The following FGF12 variants were observed in gnomAD, a reference collection of about 807,000 sequenced individuals.
FGF12 encodes the protein fibroblast growth factor 12, also known as fibroblast growth factor 12B.
Under a neutral mutation model 23.6 loss-of-function variants are expected in FGF12, and 14 were observed. That is an observed-to-expected ratio of 0.59 (90% CI 0.39 to 0.93). The LOEUF (loss-of-function observed/expected upper bound fraction) is 0.93, where lower values mean the gene tolerates loss of function less well. Ranked by LOEUF, FGF12 falls within the 40% of genes least tolerant of loss-of-function variation. FGF12 has a pLI of 0.00. For synonymous variants in FGF12, 62 were observed against 77.3 expected (o/e 0.80, Z 1.04); for missense variants, 175 against 217.8 (o/e 0.80, Z 1.24).
At chr3:192,629,253 A>G (rs1346176252) in intron 2 of FGF12, among the ~76,000 whole-genome samples, 1 of 152,226 alleles carries the variant, frequency 6.6e-6, no homozygotes, top group East Asian at 1.9e-4. Context: ...AAAGTAACCC[A>G]CTGAACACAG....
At chr3:192,678,489 C>A (rs1455196569) in intron 2 of FGF12, among the ~76,000 whole-genome samples, 2 of 152,194 alleles carry the variant, frequency 1.3e-5, no homozygotes, top group African/African-American at 4.8e-5. Flanking sequence ...TTGAAAGACT[C>A]AAACTCGTTC....
chr3:192,200,768 C>T (rs1717326301), intron 4 of FGF12, among the ~76,000 whole-genome samples: 1 of 152,120 alleles, frequency 6.6e-6, no homozygotes, highest in Non-Finnish European at 1.5e-5. Context: ...CTTTACAGCA[C>T]CATAGATTTA....
intron 4 of FGF12, among the ~76,000 whole-genome samples, chr3:192,331,823 C>T (rs543959561): frequency 6.6e-6 from 1 of 152,128 alleles, no homozygotes; most frequent in Admixed American, 6.6e-5. Context: ...TCATAATTAA[C>T]AACAGATACC....
Position 192,383,863 on chromosome 3 carries a change from GGA to G in FGF12, c.14-23327_14-23326del, listed in dbSNP as rs552116267. Among the ~76,000 whole-genome samples, 8 of 152,270 alleles carry G rather than the reference GGA, an allele frequency of 5.3e-5. No individual in the cohort carries two copies. In the East Asian group the frequency reaches 1.4e-3, roughly 26 times the overall value. On this transcript the variant is annotated intron_variant, in intron 2 of 5. Transcript: ENST00000445105. ...GTCGGATTTACAGGTTTAGAACTCAGGAGAGAGGTCTTGCCTGAAGATATAAA... is the reference window on the plus strand; with the variant it reads ...GTCGGATTTACAGGTTTAGAACTCAGGAGAGGTCTTGCCTGAAGATATAAA...
chr3:192,522,160 T>G (rs894391954), intron 2 of FGF12, among the ~76,000 whole-genome samples: 1 of 146,956 alleles, frequency 6.8e-6, no homozygotes, highest in Admixed American at 6.8e-5. Context: ...ATCGCGCCAC[T>G]GCACTCCAGC....
At position 192,464,500 on chromosome 3, in the gene FGF12, GT is replaced by G. The variant is rs1441469277; in HGVS notation, c.14-103963del. Reference sequence around the variant, plus strand: ...TTTTAGGGCTGAGTAGTATTCCATGGTGTGTGTGTGTGTGTGTGTGTGTGTG... The same window carrying G: ...TTTTAGGGCTGAGTAGTATTCCATGGGTGTGTGTGTGTGTGTGTGTGTGTG... On this transcript the variant is annotated intron_variant, in intron 2 of 5. Coordinates refer to ENST00000445105, the MANE Select transcript of FGF12 (RefSeq NM_004113.6). Among the ~76,000 whole-genome samples the G allele has an allele frequency of 2.8e-3, 19 of 6,686 alleles. No individual in the cohort carries two copies. In the South Asian group the frequency reaches 0.057, roughly 20 times the overall value. 4.4% of individuals were successfully genotyped at this position (6,686 alleles called of 152,430 possible). A position where few individuals can be genotyped will look rare whatever the true frequency, so the allele number is the denominator to read the frequency against.
chr3:192,519,331 G>A (rs986655430), intron 2 of FGF12, among the ~76,000 whole-genome samples: 7 of 152,058 alleles, frequency 4.6e-5, no homozygotes, highest in South Asian at 2.1e-4. Flanking sequence ...CAAATATTTT[G>A]CGGAATGTCT....
At chr3:192,442,862 C>T (rs1040587896) in intron 2 of FGF12, among the ~76,000 whole-genome samples, 2 of 149,328 alleles carry the variant, frequency 1.3e-5, no homozygotes, top group African/African-American at 5.0e-5. Context: ...GGATGGAGTG[C>T]AGTGGCGCAG....
chr3:192,380,374 G>A (rs79574983), intron 2 of FGF12, among the ~76,000 whole-genome samples: 3,465 of 152,152 alleles, frequency 0.023, 53 homozygotes, highest in East Asian at 0.053. Context: ...TATCTCATTG[G>A]AAAAATTTCC....
chr3:192,166,869 C>G (rs1379524482), intron 5 of FGF12, among the ~76,000 whole-genome samples: 1 of 151,398 alleles, frequency 6.6e-6, no homozygotes, highest in Non-Finnish European at 1.5e-5. Context: ...TCATCATATT[C>G]TATATGCTTC....
At chr3:192,224,022 C>G (rs969155919) in intron 4 of FGF12, among the ~76,000 whole-genome samples, 1 of 152,058 alleles carries the variant, frequency 6.6e-6, no homozygotes, top group Non-Finnish European at 1.5e-5. Flanking sequence ...ATCAAGGTCA[C>G]CTTGGCTACT....
intron 2 of FGF12, among the ~76,000 whole-genome samples, chr3:192,612,258 A>AT (rs992430546): frequency 8.6e-5 from 13 of 151,864 alleles, no homozygotes; most frequent in African/African-American, 3.1e-4. Context: ...ATCTACCTGG[A>AT]TTTTTTTTAT....
intron 4 of FGF12, among the ~76,000 whole-genome samples, chr3:192,194,150 A>G (rs76809184): frequency 0.015 from 2,339 of 152,346 alleles, 53 homozygotes; most frequent in African/African-American, 0.054. Context: ...GCTGATTTAT[A>G]TAAAGCAGAA....
intron 4 of FGF12, among the ~76,000 whole-genome samples, chr3:192,261,734 G>A (rs1712769136): frequency 6.6e-6 from 1 of 152,158 alleles, no homozygotes; most frequent in Non-Finnish European, 1.5e-5. Context: ...GAGTTTTTTA[G>A]TTAGTAAAAT....
chr3:192,271,456 T>C (rs1713432477), intron 4 of FGF12, among the ~76,000 whole-genome samples: 1 of 152,210 alleles, frequency 6.6e-6, no homozygotes, highest in African/African-American at 2.4e-5. Flanking sequence ...AGGCAAAGTC[T>C]GATTTGGCTC....
chr3:192,325,195 C>A (rs995566432), intron 4 of FGF12, among the ~76,000 whole-genome samples: 2 of 151,830 alleles, frequency 1.3e-5, no homozygotes, highest in Non-Finnish European at 2.9e-5. Context: ...CTTTTTTTAA[C>A]TGAAAAAATT....
At chr3:192,280,795 C>A (rs1714098064) in intron 4 of FGF12, among the ~76,000 whole-genome samples, 1 of 152,092 alleles carries the variant, frequency 6.6e-6, no homozygotes, top group Non-Finnish European at 1.5e-5. Flanking sequence ...GGATAAATAG[C>A]AATAATATAA....
chr3:192,336,870 T>C lies in FGF12; in HGVS notation c.125-1406A>G, dbSNP rs1425118624. Among the ~76,000 whole-genome samples, 2 of 152,142 alleles carry C rather than the reference T, an allele frequency of 1.3e-5. No individual in the cohort carries two copies. On this transcript the variant is annotated intron_variant, in intron 3 of 5. Transcript: ENST00000445105. The surrounding 1 kb of genome is among the most constrained non-coding windows in gnomAD (Gnocchi z 4.3). ...TTGACAGTTGTAGAGGATCAAGTCT[T>C]AGACCACAAGTTTAGTAGAACAGGA...
At chr3:192,435,804 G>T (rs1017702824) in intron 2 of FGF12, among the ~76,000 whole-genome samples, 2 of 152,090 alleles carry the variant, frequency 1.3e-5, no homozygotes, top group African/African-American at 4.8e-5. Context: ...TGCTTCTGTC[G>T]TTTTCCCAGT....
Sources: allele counts gnomAD v4.1 joint callset (sites outside exome capture counted in the v4.1 genomes callset), GRCh38; gene constraint gnomAD v4.1.1; non-coding constraint Gnocchi (gnomAD v3.1); transcripts MANE v1.5; gene names NCBI Gene and HGNC (gene_info 2026-07-23, HGNC 2026-07-21).